ADAM10: variants seen among roughly 807,000 people sequenced by gnomAD.
The protein encoded by ADAM10 is ADAM metallopeptidase domain 10, also known as disintegrin and metalloproteinase domain-containing protein 10.
Under a neutral mutation model 90.1 loss-of-function variants are expected in ADAM10, and 17 were observed. The observed-to-expected ratio is 0.19, with a 90% CI of 0.13 to 0.28. ADAM10 has a LOEUF of 0.28. ADAM10 is among the 10% of genes least tolerant of loss of function. ADAM10 has a pLI of 1.00. For missense variants in ADAM10, 610 were observed against 914.3 expected, an observed-to-expected ratio of 0.67 and a Z score of 4.29; for synonymous variants, 310 against 298.6, an observed-to-expected ratio of 1.04 and a Z score of -0.40.
intron 2 of ADAM10, among the ~76,000 whole-genome samples, chr15:58,709,010 T>A (rs912223660): frequency 6.6e-6 from 1 of 152,184 alleles, no homozygotes; most frequent in African/African-American, 2.4e-5. Flanking sequence ...TTTTAATCAG[T>A]TTAAAGCTAT....
At chr15:58,703,457 G>A (rs1408526453) in intron 2 of ADAM10, among the ~76,000 whole-genome samples, 2 of 152,138 alleles carry the variant, frequency 1.3e-5, no homozygotes, top group African/African-American at 4.8e-5. Flanking sequence ...TTCACAAACA[G>A]ATGAATAGGT....
intron 10 of ADAM10, among the ~76,000 whole-genome samples, chr15:58,626,804 G>A (rs1238412387): frequency 1.3e-5 from 2 of 152,088 alleles, no homozygotes; most frequent in Non-Finnish European, 2.9e-5. Flanking sequence ...AGGGGCTGAG[G>A]GGAAGACAGA....
At chr15:58,728,860 A>G (rs1444382456) in intron 1 of ADAM10, among the ~76,000 whole-genome samples, 1 of 152,236 alleles carries the variant, frequency 6.6e-6, no homozygotes, top group African/African-American at 2.4e-5. Context: ...ATATTCCTAC[A>G]TAACTGTAGT....
At chr15:58,709,261 A>G (rs1439563927) in intron 2 of ADAM10, among the ~76,000 whole-genome samples, 1 of 152,232 alleles carries the variant, frequency 6.6e-6, no homozygotes, top group Non-Finnish European at 1.5e-5. Flanking sequence ...AAGGTTGACT[A>G]TGAATCTAGA....
intron 2 of ADAM10, among the ~76,000 whole-genome samples, chr15:58,690,680 C>T (rs1293997742): frequency 1.3e-5 from 2 of 151,984 alleles, no homozygotes; most frequent in African/African-American, 2.4e-5. Flanking sequence ...CTCAAAGCTG[C>T]AGTGGGAGCC....
chr15:58,685,114 A>C (rs1444080592), intron 2 of ADAM10, among the ~76,000 whole-genome samples: 1 of 151,886 alleles, frequency 6.6e-6, no homozygotes, highest in Non-Finnish European at 1.5e-5. Context: ...AAAATATATA[A>C]AATATTTACA....
chr15:58,605,830 TAAAGTAA>T (rs1895256072), intron 14 of ADAM10, among the ~76,000 whole-genome samples: 2 of 152,074 alleles, frequency 1.3e-5, no homozygotes, highest in Admixed American at 1.3e-4. Context: ...TAGCCAATAA[TAAAGTAA>T]AAAGTCAAAA....
In ADAM10 at chr15:58,597,017, CA is replaced by C. The variant is rs1157780147; in HGVS notation, c.*529del. 5.9e-6 allele frequency: 1 copy of C among 169,948 alleles called. No homozygotes were observed. Among genetic ancestry groups the C allele is most frequent in the African/African-American group, 2.4e-5 (1 of 41,598 alleles). The allele number at this position is 169,948 out of a possible 1,614,324, so 10.5% of individuals were successfully genotyped here. ...TTAAGAGCGGAAAAATTTTATAATA[CA>C]AAGAAACATCCATATTGCAATTTCT... On this transcript the variant is annotated 3_prime_UTR_variant, in exon 16 of 16. Transcript: ENST00000260408.
chr15:58,631,445 A>G (rs1896096809), intron 9 of ADAM10, among the ~76,000 whole-genome samples: 1 of 152,168 alleles, frequency 6.6e-6, no homozygotes, highest in African/African-American at 2.4e-5. Flanking sequence ...TAGGAAAGAG[A>G]TTACACAAGA....
intron 2 of ADAM10, chr15:58,692,356 T>C (rs748398973): frequency 1.7e-6 from 1 of 604,626 alleles, no homozygotes; most frequent in Non-Finnish European, 3.3e-6. Flanking sequence ...CGGCTTGGTC[T>C]GGTTTAGTTC....
intron 2 of ADAM10, among the ~76,000 whole-genome samples, chr15:58,687,790 AAAGTC>A (rs1897646717): frequency 6.6e-6 from 1 of 152,228 alleles, no homozygotes; most frequent in South Asian, 2.1e-4. Flanking sequence ...GCTGAGTGGA[AAAGTC>A]AATCTCAAAG....
chr15:58,605,242 T>C (rs1161437691), intron 14 of ADAM10, among the ~76,000 whole-genome samples: 3 of 152,200 alleles, frequency 2.0e-5, no homozygotes, highest in Non-Finnish European at 2.9e-5. Flanking sequence ...TAGCACAGTG[T>C]TCCTGGCTTT....
At chr15:58,696,043 G>A (rs1292990314) in intron 2 of ADAM10, among the ~76,000 whole-genome samples, 2 of 152,146 alleles carry the variant, frequency 1.3e-5, no homozygotes, top group Non-Finnish European at 2.9e-5. Flanking sequence ...TTGAACCCAG[G>A]AGGCAGAGGT....
chr15:58,729,332 TG>T (rs1239412548), intron 1 of ADAM10, among the ~76,000 whole-genome samples: 1 of 152,236 alleles, frequency 6.6e-6, no homozygotes, highest in East Asian at 1.9e-4. Context: ...AATTAAATCT[TG>T]TTCCGTATCT....
At chr15:58,614,859 A>T (rs1462850983) in intron 11 of ADAM10, among the ~76,000 whole-genome samples, 1 of 152,238 alleles carries the variant, frequency 6.6e-6, no homozygotes, top group Non-Finnish European at 1.5e-5. Context: ...TGTACAATAC[A>T]GGCCACTGTG....
intron 4 of ADAM10, among the ~76,000 whole-genome samples, chr15:58,667,502 C>G (rs1228152316): frequency 6.6e-6 from 1 of 152,026 alleles, no homozygotes; most frequent in Non-Finnish European, 1.5e-5. Flanking sequence ...ATGAGATGAC[C>G]CTCTAATAGT....
chr15:58,634,708 T>A (rs1329325557), intron 8 of ADAM10, among the ~76,000 whole-genome samples: 2 of 152,202 alleles, frequency 1.3e-5, no homozygotes, highest in East Asian at 3.8e-4. Flanking sequence ...ATACTTAAAG[T>A]TTTCCCTATT....
chr15:58,723,277 T>A (rs1898917862), intron 1 of ADAM10, among the ~76,000 whole-genome samples: 1 of 151,842 alleles, frequency 6.6e-6, no homozygotes, highest in Non-Finnish European at 1.5e-5. Context: ...TTATATATGA[T>A]CACAGCCCCG....
At chr15:58,722,272 G>C (rs1898880410) in intron 1 of ADAM10, among the ~76,000 whole-genome samples, 1 of 152,014 alleles carries the variant, frequency 6.6e-6, no homozygotes, top group South Asian at 2.1e-4. Flanking sequence ...AACCCGGAAG[G>C]TGGAGGGTGC....
Sources: allele counts gnomAD v4.1 joint callset (sites outside exome capture counted in the v4.1 genomes callset), GRCh38; gene constraint gnomAD v4.1.1; transcripts MANE v1.5; gene names NCBI Gene and HGNC (gene_info 2026-07-23, HGNC 2026-07-21).